CIT: variants seen among roughly 807,000 people sequenced by gnomAD.
The protein encoded by CIT is citron Rho-interacting kinase.
In CIT, 79 loss-of-function variants were observed where a neutral mutation model predicts 272.7. The ratio of observed to expected loss-of-function variants is 0.29; its 90% CI spans 0.24 to 0.35. The LOEUF (loss-of-function observed/expected upper bound fraction) is 0.35. CIT is among the 10% of genes least tolerant of loss of function. The pLI is 1.00. For synonymous variants in CIT, 948 were observed against 995.6 expected, an observed-to-expected ratio of 0.95 and a Z score of 0.90; for missense variants, 1,909 against 2,618.3, an observed-to-expected ratio of 0.73 and a Z score of 5.91.
intron 26 of CIT, among the ~76,000 whole-genome samples, chr12:119,731,487 A>G (rs1037842971): frequency 4.6e-5 from 7 of 151,762 alleles, no homozygotes; most frequent in Non-Finnish European, 1.0e-4. Flanking sequence ...AAAAAAAAAA[A>G]AAAAAGAAAA....
At chr12:119,774,138 T>A (rs1426942564) in intron 16 of CIT, among the ~76,000 whole-genome samples, 1 of 152,172 alleles carries the variant, frequency 6.6e-6, no homozygotes, top group African/African-American at 2.4e-5. Context: ...GGTAGGGGGA[T>A]GAGAGGAATT....
intron 24 of CIT, among the ~76,000 whole-genome samples, chr12:119,739,009 C>A (rs745326248): frequency 1.3e-5 from 2 of 152,152 alleles, no homozygotes; most frequent in Middle Eastern, 3.4e-3. Flanking sequence ...CCTCTCACAC[C>A]TAACTGGAAG....
intron 44 of CIT, among the ~76,000 whole-genome samples, chr12:119,698,998 T>C (rs1345238588): frequency 6.6e-6 from 1 of 152,148 alleles, no homozygotes; most frequent in Non-Finnish European, 1.5e-5. Flanking sequence ...CTCATGCCTG[T>C]AATCCCAGCA....
intron 23 of CIT, among the ~76,000 whole-genome samples, chr12:119,745,175 A>C (rs1370755943): frequency 6.6e-6 from 1 of 151,124 alleles, no homozygotes; most frequent in Non-Finnish European, 1.5e-5. Context: ...ACTATAATGA[A>C]ACTGTTTAAG....
At chr12:119,798,134 A>C (rs955806166) in intron 10 of CIT, among the ~76,000 whole-genome samples, 4 of 152,166 alleles carry the variant, frequency 2.6e-5, no homozygotes, top group African/African-American at 9.7e-5. Context: ...GAAAAGAGGA[A>C]AAAATCTGAG....
intron 26 of CIT, among the ~76,000 whole-genome samples, chr12:119,733,044 T>C (rs1480269447): frequency 1.3e-5 from 2 of 152,178 alleles, no homozygotes; most frequent in Non-Finnish European, 2.9e-5. Context: ...AAAACTGTCA[T>C]AACAACTCTT....
intron 46 of CIT, among the ~76,000 whole-genome samples, chr12:119,695,012 G>C (rs1377365511): frequency 6.6e-6 from 1 of 152,080 alleles, no homozygotes; most frequent in East Asian, 1.9e-4. Context: ...CAAACCAAAA[G>C]AGTCAGGAGC....
At chr12:119,873,724 A>T (rs1950753256) in intron 2 of CIT, among the ~76,000 whole-genome samples, 1 of 152,086 alleles carries the variant, frequency 6.6e-6, no homozygotes, top group Non-Finnish European at 1.5e-5. Flanking sequence ...AGAAAAACCT[A>T]AGCTTTCAAT....
intron 32 of CIT, among the ~76,000 whole-genome samples, chr12:119,716,475 A>G (rs749408362): frequency 1.3e-5 from 2 of 151,546 alleles, no homozygotes; most frequent in Non-Finnish European, 2.9e-5. Context: ...ACTTCAGGCT[A>G]AAGAAAAACA....
chr12:119,772,009 A>C (rs775188971), intron 17 of CIT, among the ~76,000 whole-genome samples: 6 of 152,052 alleles, frequency 3.9e-5, no homozygotes, highest in Non-Finnish European at 5.9e-5. Context: ...ACTCAGTTGG[A>C]ATTTAGGGGA....
chr12:119,869,744 T>C (rs1950613742), intron 2 of CIT, among the ~76,000 whole-genome samples: 1 of 152,210 alleles, frequency 6.6e-6, no homozygotes, highest in Non-Finnish European at 1.5e-5. Flanking sequence ...TTGTTTGGCC[T>C]GTAGTGTTTA....
chr12:119,757,941 AAGG>A (rs2137469189), intron 21 of CIT, among the ~76,000 whole-genome samples: 2 of 152,292 alleles, frequency 1.3e-5, no homozygotes, highest in South Asian at 4.1e-4. Flanking sequence ...AAAAAGGACT[AAGG>A]AGAAAGAATG....
intron 28 of CIT, among the ~76,000 whole-genome samples, chr12:119,724,846 G>A (rs1957997277): frequency 7.2e-6 from 1 of 139,082 alleles, no homozygotes; most frequent in Non-Finnish European, 1.5e-5. Context: ...GGCTGAGGCA[G>A]AATGGCGTGA....
Position 119,713,172 on chromosome 12 carries a change from C to T in CIT, c.4579+31G>A. ...TGGGGAGACCTGGGTTAGCCACGTG[C>T]AATGACCTTCCCCCTGAATTATTAA... On this transcript the variant is annotated intron_variant, in intron 35 of 47. Transcript: ENST00000392521. This position sits in a 1 kb window ranked among gnomAD's most constrained non-coding sequence, Gnocchi z 5.2. The T allele has an allele frequency of 6.4e-7, 1 of 1,572,754 alleles. No homozygotes were observed. The highest frequency in any genetic ancestry group is 8.7e-7 in the Non-Finnish European group (1 of 1,144,744).
chr12:119,809,012 G>A (rs1394036258), intron 9 of CIT, among the ~76,000 whole-genome samples: 3 of 152,216 alleles, frequency 2.0e-5, no homozygotes, highest in African/African-American at 7.2e-5. Flanking sequence ...AGTGGGGAAT[G>A]CAGTACTTTT....
Position 119,713,594 on chromosome 12 carries a change from C to T in CIT, c.4361G>A (p.Gly1454Asp). ...GTGTGTGGCATATTCAGCAGGCAAG[C>T]CGCAGGTGGCTGGCAAGCACGTGGA... ...KCSTCLPATC[G>D]LPAEYATHFT... The change falls in exon 34 of 48, where the codon GGC becomes GAC. Residue 1454 changes from glycine (G) to aspartate (D), a missense_variant. This residue lies in a region of CIT where 780 missense variants were observed against 1,067.2 expected (regional missense o/e 0.73). Coordinates refer to ENST00000392521, the MANE Select transcript of CIT (RefSeq NM_001206999.2). This position sits in a 1 kb window ranked among gnomAD's most constrained non-coding sequence, Gnocchi z 5.2. The T allele has an allele frequency of 6.2e-7, 1 of 1,614,234 alleles. No individual in the cohort carries two copies. The highest frequency in any genetic ancestry group is 8.5e-7 in the Non-Finnish European group (1 of 1,180,048).
chr12:119,850,275 C>A lies in CIT; in HGVS notation c.415G>T (p.Val139Phe). The A allele has an allele frequency of 6.2e-7, 1 of 1,601,680 alleles. No individual in the cohort carries two copies. The highest frequency in any genetic ancestry group is 8.5e-7 in the Non-Finnish European group (1 of 1,171,694). The change falls in exon 5 of 48, where the codon GTT (valine) becomes TTT (phenylalanine). Residue 139 changes from valine to phenylalanine, a missense_variant and splice_region_variant. Val to Phe is a conservative substitution (Grantham distance 50). This residue lies in a region of CIT where 529 missense variants were observed against 549.6 expected (regional missense o/e 0.96). Coordinates refer to ENST00000392521, the MANE Select transcript of CIT (RefSeq NM_001206999.2). ...TTCCGCTCTTCCTCAAAAAATGAAA[C>A]CTAGGGAAAAAAGAAACTGCTTAGA... The part of the protein sequence containing the change: ...KKKALLAQEQ[V>F]SFFEEERNIL...
Position 119,768,101 on chromosome 12 carries a change from G to A in CIT, c.2209-919C>T, listed in dbSNP as rs555820425. Among the ~76,000 whole-genome samples the A allele has an allele frequency of 4.5e-4, 68 of 151,976 alleles. No individual in the cohort carries two copies. The highest frequency in any genetic ancestry group is 1.5e-3 in the African/African-American group (63 of 41,438). On this transcript the variant is annotated intron_variant, in intron 18 of 47. Coordinates refer to ENST00000392521, the MANE Select transcript of CIT (RefSeq NM_001206999.2). This position sits in a 1 kb window ranked among gnomAD's most constrained non-coding sequence, Gnocchi z 4.3. ...TAATTTTTGTATTTTTAGTAGAGGC[G>A]AGGTTTCACCATGTCGGTCAGGCTG...
chr12:119,785,133 C>T, intron 10 of CIT, 68 bp from the exon 11 acceptor site: 1 of 1,515,592 alleles, frequency 6.6e-7, no homozygotes, highest in Non-Finnish European at 9.0e-7. Flanking sequence ...TAGGAAGCTG[C>T]AACATTTGTT....
Sources: gnomAD v4.1 joint callset for allele counts (sites outside exome capture counted in the v4.1 genomes callset) on GRCh38, gnomAD v4.1.1 for gene constraint, gnomAD v4.1.1 regional missense constraint, Gnocchi (gnomAD v3.1) non-coding constraint, MANE v1.5 for transcripts, NCBI Gene and HGNC (gene_info 2026-07-23, HGNC 2026-07-21) for gene names.